The following STK32B variants were observed in gnomAD, a reference collection of about 807,000 sequenced individuals.
STK32B encodes serine/threonine kinase 32B.
STK32B carries 43 observed loss-of-function variants against 52.6 expected under a neutral mutation model. The ratio of observed to expected loss-of-function variants is 0.82; its 90% CI spans 0.64 to 1.05. The LOEUF is 1.05. STK32B is among the 50% of genes least tolerant of loss of function. The probability of loss-of-function intolerance (pLI) is 0.00; values close to 1 mark genes in which losing one functional copy is unlikely to be tolerated. For synonymous variants in STK32B, 238 were observed against 204.3 expected, an observed-to-expected ratio of 1.17 and a Z score of -1.41; for missense variants, 621 against 534.6, an observed-to-expected ratio of 1.16 and a Z score of -1.59.
chr4:5,340,453 G>T (rs1213257389), intron 4 of STK32B, among the ~76,000 whole-genome samples: 1 of 152,224 alleles, frequency 6.6e-6, no homozygotes, highest in Non-Finnish European at 1.5e-5. Context: ...GGCCCCAGGT[G>T]GGTGGAGCCT....
chr4:5,360,773 T>C (rs1734492879), intron 4 of STK32B, among the ~76,000 whole-genome samples: 1 of 152,114 alleles, frequency 6.6e-6, no homozygotes. Flanking sequence ...GCCATTGCAC[T>C]CCAGCCTGGG....
chr4:5,439,972 T>G (rs934012547), intron 6 of STK32B, among the ~76,000 whole-genome samples: 1 of 152,242 alleles, frequency 6.6e-6, no homozygotes, highest in African/African-American at 2.4e-5. Flanking sequence ...TATCTCTGTT[T>G]TGGTACAAGT....
intron 1 of STK32B, among the ~76,000 whole-genome samples, chr4:5,126,762 G>T (rs150089336): frequency 3.9e-5 from 6 of 152,086 alleles, no homozygotes; most frequent in Non-Finnish European, 7.4e-5. Flanking sequence ...TGTAAAGGCC[G>T]CCTATCTCTC....
intron 3 of STK32B, among the ~76,000 whole-genome samples, chr4:5,322,647 A>T (rs552043905): frequency 1.3e-5 from 2 of 152,302 alleles, no homozygotes; most frequent in South Asian, 4.1e-4. Context: ...CTGCCTGGAG[A>T]CTAAGAAAGG....
intron 11 of STK32B, among the ~76,000 whole-genome samples, chr4:5,483,924 CTA>C (rs1178592361): frequency 6.6e-6 from 1 of 152,100 alleles, no homozygotes; most frequent in East Asian, 1.9e-4. Context: ...ATTCTGAGTT[CTA>C]GTTTGATTGC....
At chr4:5,237,767 C>T (rs868286906) in intron 3 of STK32B, among the ~76,000 whole-genome samples, 5 of 152,104 alleles carry the variant, frequency 3.3e-5, no homozygotes, top group Admixed American at 1.3e-4. Flanking sequence ...CTCTACCTGG[C>T]GCAGAGTCTG....
At chr4:5,484,197 C>G (rs1187472068) in intron 11 of STK32B, among the ~76,000 whole-genome samples, 1 of 152,172 alleles carries the variant, frequency 6.6e-6, no homozygotes, top group East Asian at 1.9e-4. Context: ...GTGTTAAAGT[C>G]TCCCATTATT....
chr4:5,101,751 A>T (rs1320561853), intron 1 of STK32B, among the ~76,000 whole-genome samples: 3 of 152,170 alleles, frequency 2.0e-5, no homozygotes, highest in Non-Finnish European at 2.9e-5. Flanking sequence ...ACCGCAACCA[A>T]AATTCCTGTC....
rs1055140114 is a variant in STK32B at position 5,428,231 on chromosome 4, C to T, written c.562+11297C>T. On this transcript the variant is annotated intron_variant, in intron 6 of 11. Coordinates refer to ENST00000282908, the MANE Select transcript of STK32B (RefSeq NM_018401.3). ...GATCATCCTGGTTAACACAGTGAAACCCCGTCTCTACTAAAAAATATAAAA... is the reference window on the plus strand; with the variant it reads ...GATCATCCTGGTTAACACAGTGAAATCCCGTCTCTACTAAAAAATATAAAA... Among the ~76,000 whole-genome samples, 4 of 152,090 alleles carry T rather than the reference C, an allele frequency of 2.6e-5. No individual in the cohort carries two copies. The East Asian group carries it at 7.7e-4, about 29-fold the overall frequency.
At chr4:5,317,437 CAT>C (rs1731148205) in intron 3 of STK32B, among the ~76,000 whole-genome samples, 2 of 21,830 alleles carry the variant, frequency 9.2e-5, no homozygotes, top group East Asian at 1.0e-3. Context: ...ATATATATTA[CAT>C]ATATACATAA....
intron 3 of STK32B, among the ~76,000 whole-genome samples, chr4:5,307,715 G>T (rs1369263486): frequency 6.6e-6 from 1 of 151,990 alleles, no homozygotes; most frequent in Non-Finnish European, 1.5e-5. Context: ...CATATTACCA[G>T]AATTACCATA....
chr4:5,269,416 A>T (rs1178329916), intron 3 of STK32B, among the ~76,000 whole-genome samples: 1 of 152,204 alleles, frequency 6.6e-6, no homozygotes, highest in Non-Finnish European at 1.5e-5. Context: ...AACTATTTCC[A>T]ACTAAATAAA....
At position 5,490,557 on chromosome 4, in the gene STK32B, CTTTT is replaced by C. The variant is rs1031996874; in HGVS notation, c.1107-8382_1107-8379del. On this transcript the variant is annotated intron_variant, in intron 11 of 11. Transcript: ENST00000282908. Reference sequence around the variant, plus strand: ...TTATTTTATTATAGCAGAGCCTCGTCTTTTTTTTTAATTTTTTAAATTTTTTTAT... The same window carrying C: ...TTATTTTATTATAGCAGAGCCTCGTCTTTTTAATTTTTTAAATTTTTTTAT... 4.0e-5 allele frequency among the ~76,000 whole-genome samples: 6 copies of C among 150,804 alleles called. No homozygotes were observed. In the East Asian group the frequency reaches 1.2e-3, roughly 29 times the overall value.
At chr4:5,119,677 T>C (rs1290683735) in intron 1 of STK32B, among the ~76,000 whole-genome samples, 1 of 152,248 alleles carries the variant, frequency 6.6e-6, no homozygotes, top group Non-Finnish European at 1.5e-5. Flanking sequence ...TCCTTCTGCT[T>C]CTTAAATCAA....
At chr4:5,353,271 T>G (rs751820043) in intron 4 of STK32B, among the ~76,000 whole-genome samples, 1 of 152,182 alleles carries the variant, frequency 6.6e-6, no homozygotes. Flanking sequence ...ATTAAAGACT[T>G]ATATGTAAGA....
chr4:5,269,061 G>C (rs1727242598), intron 3 of STK32B, among the ~76,000 whole-genome samples: 1 of 152,104 alleles, frequency 6.6e-6, no homozygotes, highest in African/African-American at 2.4e-5. Flanking sequence ...AGACAGAATT[G>C]AGAGTCTGGA....
chr4:5,455,933 G>A (rs189409878), intron 7 of STK32B, among the ~76,000 whole-genome samples: 2 of 152,300 alleles, frequency 1.3e-5, no homozygotes, highest in East Asian at 1.9e-4. Context: ...ACCACCACAC[G>A]TGCCAGGGAA....
chr4:5,232,701 A>T (rs980634998), intron 3 of STK32B, among the ~76,000 whole-genome samples: 1 of 152,144 alleles, frequency 6.6e-6, no homozygotes, highest in Non-Finnish European at 1.5e-5. Flanking sequence ...GAAGCTGGAG[A>T]TGAAGCCATT....
intron 3 of STK32B, among the ~76,000 whole-genome samples, chr4:5,234,457 C>T (rs913101250): frequency 2.0e-5 from 3 of 152,170 alleles, no homozygotes; most frequent in African/African-American, 7.2e-5. Context: ...AGACTTGTCT[C>T]TCTTGGTCAC....
Sources: gnomAD v4.1 joint callset for allele counts (sites outside exome capture counted in the v4.1 genomes callset) on GRCh38, gnomAD v4.1.1 for gene constraint, MANE v1.5 for transcripts, NCBI Gene and HGNC (gene_info 2026-07-23, HGNC 2026-07-21) for gene names.